MX2: variants seen among roughly 807,000 people sequenced by gnomAD.
MX2 encodes MX dynamin like GTPase 2.
In MX2, 51 loss-of-function variants were observed where a neutral mutation model predicts 74.0. The ratio of observed to expected loss-of-function variants is 0.69; its 90% CI spans 0.55 to 0.87. The LOEUF (loss-of-function observed/expected upper bound fraction) is 0.87. MX2 is among the 40% of genes least tolerant of loss of function. The probability of loss-of-function intolerance (pLI) is 0.00; values close to 1 mark genes in which losing one functional copy is unlikely to be tolerated. For missense variants in MX2, 832 were observed against 908.7 expected (o/e 0.92, Z 1.09); for synonymous variants, 369 against 339.3 (o/e 1.09, Z -0.96).
rs144910545 is a variant in MX2 at position 41,377,905 on chromosome 21, C to A, written c.366C>A (p.Ala122=). 7.4e-6 allele frequency: 12 copies of A among 1,614,096 alleles called. No homozygotes were observed. The highest frequency in any genetic ancestry group is 1.0e-5 in the Non-Finnish European group (12 of 1,180,050). Residue 122 remains alanine, a synonymous_variant, in exon 3 of 14, where the codon GCC becomes GCA. Coordinates refer to ENST00000330714, the MANE Select transcript of MX2 (RefSeq NM_002463.2). ...AGGACCTGGCCCTGCCAGCCATCGC[C>A]GTCATCGGGGACCAGAGCTCGGGCA... The part of the protein sequence containing the change: ...VEQDLALPAI[A]VIGDQSSGKS...
chr21:41,379,467 G>A (rs547567647), intron 3 of MX2, among the ~76,000 whole-genome samples: 1 of 152,154 alleles, frequency 6.6e-6, no homozygotes, highest in African/African-American at 2.4e-5. Flanking sequence ...TCCTCCTTCG[G>A]GATGTCCGGC....
chr21:41,379,887 C>A, intron 3 of MX2, 130 bp from the exon 4 acceptor site: 5 of 1,187,006 alleles, frequency 4.2e-6, no homozygotes, highest in Admixed American at 4.2e-5. Flanking sequence ...TCACCTACTA[C>A]CAGGCCCCAG....
chr21:41,377,667 T>G, intron 2 of MX2, 122 bp from the exon 3 acceptor site: 1 of 1,033,498 alleles, frequency 9.7e-7, no homozygotes, highest in East Asian at 2.5e-5. Flanking sequence ...TCCATCCACC[T>G]TCTCACCTCC....
At chr21:41,393,263 C>T (rs545171479) in intron 6 of MX2, among the ~76,000 whole-genome samples, 6 of 152,086 alleles carry the variant, frequency 3.9e-5, no homozygotes, top group Middle Eastern at 3.4e-3. Flanking sequence ...AACAGTGGGT[C>T]GATATTTTCA....
intron 10 of MX2, chr21:41,399,627 G>A (rs62217467): frequency 0.023 from 6,456 of 274,966 alleles, 96 homozygotes; most frequent in Non-Finnish European, 0.032. Context: ...GTGTAGTGGC[G>A]CAATCATGAC....
intron 3 of MX2, among the ~76,000 whole-genome samples, chr21:41,379,080 T>C (rs1387010336): frequency 2.6e-5 from 4 of 152,242 alleles, no homozygotes; most frequent in African/African-American, 9.6e-5. Context: ...GCCTCCCTGC[T>C]GCCACCTGCA....
At position 41,363,257 on chromosome 21, in the gene MX2, T is replaced by C. The variant is rs1435204796; in HGVS notation, c.-72+1202T>C. On this transcript the variant is annotated intron_variant, in intron 1 of 13. Coordinates refer to ENST00000330714, the MANE Select transcript of MX2 (RefSeq NM_002463.2). The surrounding 1 kb of genome is among the most constrained non-coding windows in gnomAD (Gnocchi z 4.2). ...ATGTACAATTTTTTTTTCTTTTTCT[T>C]TTTTGAGACAGGGTCTTCCTGCTCT... 6.6e-6 allele frequency: 1 copy of C among 152,006 alleles called. No homozygotes were observed. Among genetic ancestry groups the C allele is most frequent in the East Asian group, 1.9e-4 (1 of 5,154 alleles). The allele number at this position is 152,006 out of a possible 1,614,324, so 9.4% of individuals were successfully genotyped here. A position where few individuals can be genotyped will look rare whatever the true frequency, so the allele number is the denominator to read the frequency against.
chr21:41,368,415 G>T lies in MX2; in HGVS notation c.-72+6360G>T, dbSNP rs559363024. Among the ~76,000 whole-genome samples, 10 of 152,246 alleles carry T rather than the reference G, an allele frequency of 6.6e-5. No individual in the cohort carries two copies. Among genetic ancestry groups the T allele is most frequent in the African/African-American group, 2.4e-4 (10 of 41,544 alleles). On this transcript the variant is annotated intron_variant, in intron 1 of 13. Transcript: ENST00000330714. The surrounding 1 kb of genome is among the most constrained non-coding windows in gnomAD (Gnocchi z 4.6). The stretch of plus-strand genomic sequence containing the variant: ...GAAACCTACATTCCTTACTCAACAG[G>T]CCCGTGTCAGAAAATCCTCCCTAAA...
chr21:41,381,684 C>CAAAAAAAAAAAA (rs57350601), intron 4 of MX2, among the ~76,000 whole-genome samples: 2 of 58,444 alleles, frequency 3.4e-5, no homozygotes, highest in African/African-American at 1.1e-4. Flanking sequence ...GACTCTGTCT[C>CAAAAAAAAAAAA]AAAAAAAAAA....
rs2089608626 is a variant in MX2, at chr21:41,388,275, A to G, written c.733-2290A>G. Among the ~76,000 whole-genome samples, 1 of 152,226 alleles carries G rather than the reference A, an allele frequency of 6.6e-6. No individual in the cohort carries two copies. Among genetic ancestry groups the G allele is most frequent in the Admixed American group, 6.5e-5 (1 of 15,290 alleles). On this transcript the variant is annotated intron_variant, in intron 5 of 13. Coordinates refer to ENST00000330714, the MANE Select transcript of MX2 (RefSeq NM_002463.2). The surrounding 1 kb of genome is among the most constrained non-coding windows in gnomAD (Gnocchi z 4.0). ...ATCCAATCCCCCTACTTCATGGACC[A>G]CATTTCCTGTCACTGCGCCTTGGCC...
At position 41,363,733 on chromosome 21, in the gene MX2, G is replaced by T. The variant is rs1051697098; in HGVS notation, c.-72+1678G>T. ...GGACTGGTTGCAAGCCAGCAATAGT[G>T]GCTATGCCCGTGTGGGAGACGCAGC... is the stretch of plus-strand genomic sequence containing the variant. On this transcript the variant is annotated intron_variant, in intron 1 of 13. Transcript: ENST00000330714. This position sits in a 1 kb window ranked among gnomAD's most constrained non-coding sequence, Gnocchi z 4.2. 6.4e-6 allele frequency: 1 copy of T among 155,072 alleles called. No homozygotes were observed. Among genetic ancestry groups the T allele is most frequent in the Non-Finnish European group, 1.5e-5 (1 of 68,342 alleles). The allele number at this position is 155,072 out of a possible 1,614,324, so 9.6% of individuals were successfully genotyped here. A position where few individuals can be genotyped will look rare whatever the true frequency, so the allele number is the denominator to read the frequency against.
At chr21:41,392,548 C>G (rs1161553992) in intron 6 of MX2, among the ~76,000 whole-genome samples, 1 of 152,046 alleles carries the variant, frequency 6.6e-6, no homozygotes, top group Admixed American at 6.6e-5. Flanking sequence ...GGGTGAAGAG[C>G]TTTAGTTTGG....
intron 3 of MX2, 45 bp downstream of exon 3, chr21:41,378,026 C>G (rs2089432254): frequency 6.3e-7 from 1 of 1,579,952 alleles, no homozygotes. Context: ...GCAGCGCCAC[C>G]TGTAAGCCAC....
chr21:41,367,480 AC>A (rs2089277444), intron 1 of MX2, among the ~76,000 whole-genome samples: 1 of 152,182 alleles, frequency 6.6e-6, no homozygotes, highest in Non-Finnish European at 1.5e-5. Context: ...CTGATGCAGA[AC>A]CCGGCAATGG....
chr21:41,407,791 G>A (rs926259581), intron 13 of MX2, among the ~76,000 whole-genome samples, 200 bp from the exon 14 acceptor site: 1 of 152,190 alleles, frequency 6.6e-6, no homozygotes, highest in Non-Finnish European at 1.5e-5. Context: ...TGCTAGAGGG[G>A]ATGCCTGGAA....
Position 41,406,813 on chromosome 21 carries a change from A to G in MX2, c.1720A>G (p.Met574Val), listed in dbSNP as rs1446332035. 6.2e-7 allele frequency: 1 copy of G among 1,614,280 alleles called. No homozygotes were observed. The highest frequency in any genetic ancestry group is 8.5e-7 in the Non-Finnish European group (1 of 1,180,056). Residue 574 changes from methionine to valine, a missense_variant, in exon 13 of 14, where the codon ATG becomes GTG. Transcript: ENST00000330714. ...AENMIQLQFR[M>V]EQMVFCQDQI... ...AAACATGATCCAACTTCAGTTCAGA[A>G]TGGAGCAGATGGTTTTTTGTCAAGA...
Position 41,382,566 on chromosome 21 carries a change from T to G in MX2, c.732+2T>G. On this transcript the variant is annotated splice_donor_variant, in intron 5 of 13. Transcript: ENST00000330714. LOFTEE classifies it high-confidence loss of function. ...CAGCCCCGAGACATCGGACTGCAGG[T>G]GAGCCCTTCTGGAATTTGGGATTGG... is the stretch of plus-strand genomic sequence containing the variant. 1 of 1,614,058 alleles carries G rather than the reference T, an allele frequency of 6.2e-7. No individual in the cohort carries two copies. Among genetic ancestry groups the G allele is most frequent in the Non-Finnish European group, 8.5e-7 (1 of 1,179,996 alleles).
Position 41,377,945 on chromosome 21 carries a change from G to A in MX2, c.406G>A (p.Glu136Lys). The A allele has an allele frequency of 1.9e-6, 3 of 1,614,172 alleles. No homozygotes were observed. The highest frequency in any genetic ancestry group is 2.5e-6 in the Non-Finnish European group (3 of 1,179,992). ...DQSSGKSSVL[E>K]ALSGVALPRG... Reference sequence around the variant, plus strand: ...GAGCTCGGGCAAGAGCTCTGTGCTGGAGGCACTGTCAGGAGTCGCGCTTCC... The same window carrying A: ...GAGCTCGGGCAAGAGCTCTGTGCTGAAGGCACTGTCAGGAGTCGCGCTTCC... Residue 136 changes from glutamate to lysine, a missense_variant, in exon 3 of 14, where the codon GAG (glutamate) becomes AAG (lysine). Glu to Lys is a moderately conservative substitution (Grantham distance 56). Transcript: ENST00000330714.
chr21:41,382,616 C>T (rs749058407), intron 5 of MX2, 52 bp downstream of exon 5: 1 of 1,606,946 alleles, frequency 6.2e-7, no homozygotes, highest in Non-Finnish European at 8.5e-7. Flanking sequence ...GGGGAAGGGT[C>T]AGAGGTCCCC....
Sources: allele counts gnomAD v4.1 joint callset (sites outside exome capture counted in the v4.1 genomes callset), GRCh38; gene constraint gnomAD v4.1.1; non-coding constraint Gnocchi (gnomAD v3.1); transcripts MANE v1.5; gene names NCBI Gene and HGNC (gene_info 2026-07-23, HGNC 2026-07-21).